COL19A1: variants seen among roughly 807,000 people sequenced by gnomAD.
The protein encoded by COL19A1 is collagen type XIX alpha 1 chain.
COL19A1 carries 159 observed loss-of-function variants against 190.2 expected under a neutral mutation model. That is an observed-to-expected ratio of 0.84 (90% CI 0.73 to 0.95). The LOEUF (loss-of-function observed/expected upper bound fraction) is 0.95. Ranked by LOEUF, COL19A1 falls within the 40% of genes least tolerant of loss-of-function variation. COL19A1 has a pLI of 0.00. For missense variants in COL19A1, 1,418 were observed against 1,431.9 expected (o/e 0.99, Z 0.16); for synonymous variants, 509 against 458.9 (o/e 1.11, Z -1.39).
intron 16 of COL19A1, among the ~76,000 whole-genome samples, chr6:70,115,361 T>C (rs1784503077): frequency 6.6e-6 from 1 of 152,234 alleles, no homozygotes; most frequent in Admixed American, 6.5e-5. Context: ...CCCACTTCAG[T>C]TGGTTATTAT....
Position 69,879,531 on chromosome 6 carries a change from TGCAG to T in COL19A1, c.-32-4_-32-1del. ...TTTATTCAAATTTTTTTTTTTCTGT[TGCAG>T]ATCCGTGGCCGTTCACATGGTTTCA... is the stretch of plus-strand genomic sequence containing the variant. On this transcript the variant is annotated splice_acceptor_variant and splice_polypyrimidine_tract_variant and intron_variant, in intron 1 of 50. Coordinates refer to ENST00000620364, the MANE Select transcript of COL19A1 (RefSeq NM_001858.6). LOFTEE classifies it low-confidence loss of function (5UTR_SPLICE). The T allele has an allele frequency of 6.3e-7, 1 of 1,581,976 alleles. No individual in the cohort carries two copies. Among genetic ancestry groups the T allele is most frequent in the Admixed American group, 1.7e-5 (1 of 58,928 alleles).
chr6:69,971,421 A>T (rs973606701), intron 11 of COL19A1, among the ~76,000 whole-genome samples: 9 of 152,296 alleles, frequency 5.9e-5, no homozygotes, highest in East Asian at 3.9e-4. Flanking sequence ...GTGACCGATA[A>T]AGAGGCCATG....
chr6:70,093,279 C>T (rs745765533), intron 15 of COL19A1, among the ~76,000 whole-genome samples: 1 of 152,122 alleles, frequency 6.6e-6, no homozygotes, highest in Non-Finnish European at 1.5e-5. Flanking sequence ...AATGAGCTTT[C>T]AGCTTCCACC....
chr6:70,168,746 G>T, intron 40 of COL19A1, 65 bp downstream of exon 40: 1 of 1,572,928 alleles, frequency 6.4e-7, no homozygotes. Flanking sequence ...TGAAAGAAAA[G>T]CATCGGGCAA....
rs138374562 is a variant in COL19A1 at position 70,067,957 on chromosome 6, A to C, written c.1171-466A>C. 3.0e-4 allele frequency among the ~76,000 whole-genome samples: 45 copies of C among 152,202 alleles called. No individual in the cohort carries two copies. In the East Asian group the frequency reaches 7.3e-3, roughly 25 times the overall value. On this transcript the variant is annotated intron_variant, in intron 14 of 50. Transcript: ENST00000620364. ...GCAGTAAATAATATTTTTAATATTAAAAGTTCAATGTTATGAGTAGGCATG... is the reference window on the plus strand; with the variant it reads ...GCAGTAAATAATATTTTTAATATTACAAGTTCAATGTTATGAGTAGGCATG...
At chr6:69,943,104 A>G (rs1428442548) in intron 9 of COL19A1, among the ~76,000 whole-genome samples, 1 of 152,048 alleles carries the variant, frequency 6.6e-6, no homozygotes, top group Non-Finnish European at 1.5e-5. Context: ...CTAGGGTAAG[A>G]TGATATCTCA....
At chr6:70,156,019 A>G (rs958600106) in intron 31 of COL19A1, 108 bp from the exon 32 acceptor site, 4 of 808,938 alleles carry the variant, frequency 4.9e-6, no homozygotes, top group Non-Finnish European at 7.8e-6. Flanking sequence ...TGACCTATCT[A>G]TATCACTCAT....
chr6:69,999,367 CA>C (rs1235230616), intron 11 of COL19A1, among the ~76,000 whole-genome samples: 2 of 151,900 alleles, frequency 1.3e-5, no homozygotes, highest in East Asian at 1.9e-4. Flanking sequence ...CCTGTCTCTA[CA>C]AAAAAATTTT....
chr6:70,021,926 T>A (rs984726402), intron 11 of COL19A1, among the ~76,000 whole-genome samples: 2 of 152,234 alleles, frequency 1.3e-5, no homozygotes, highest in African/African-American at 4.8e-5. Context: ...AACTTAAACC[T>A]ATTTTTACTG....
intron 14 of COL19A1, among the ~76,000 whole-genome samples, chr6:70,048,754 A>G (rs1008876647): frequency 6.6e-6 from 1 of 152,016 alleles, no homozygotes; most frequent in South Asian, 2.1e-4. Context: ...TTAGAGACCA[A>G]TCGTTTTTTA....
chr6:69,910,566 C>T (rs539076304), intron 4 of COL19A1, among the ~76,000 whole-genome samples: 1 of 152,192 alleles, frequency 6.6e-6, no homozygotes, highest in East Asian at 1.9e-4. Context: ...ACTTAGGAGT[C>T]ATAATAAAGC....
At chr6:70,180,927 T>C (rs1011002889) in intron 44 of COL19A1, among the ~76,000 whole-genome samples, 25 of 152,340 alleles carry the variant, frequency 1.6e-4, no homozygotes, top group African/African-American at 6.0e-4. Flanking sequence ...TCCTCCTTTG[T>C]ATACAGGCCT....
intron 14 of COL19A1, among the ~76,000 whole-genome samples, chr6:70,062,136 G>C (rs1163128378): frequency 2.0e-5 from 3 of 151,820 alleles, no homozygotes; most frequent in African/African-American, 7.3e-5. Context: ...AAAGAAATGA[G>C]AGTGATAAAT....
At chr6:69,975,192 C>G (rs1187584713) in intron 11 of COL19A1, among the ~76,000 whole-genome samples, 1 of 152,166 alleles carries the variant, frequency 6.6e-6, no homozygotes, top group Non-Finnish European at 1.5e-5. Flanking sequence ...CAGTTTTGAG[C>G]AAGTGTTTCA....
intron 11 of COL19A1, among the ~76,000 whole-genome samples, chr6:69,989,925 T>C (rs1193284010): frequency 6.6e-6 from 1 of 152,122 alleles, no homozygotes; most frequent in African/African-American, 2.4e-5. Context: ...TAAGATCTTA[T>C]ATAAATGCTA....
intron 23 of COL19A1, among the ~76,000 whole-genome samples, 160 bp downstream of exon 23, chr6:70,142,980 T>C (rs538477735): frequency 1.1e-4 from 17 of 152,254 alleles, no homozygotes; most frequent in Middle Eastern, 6.8e-3. Flanking sequence ...TCAGGAGCTA[T>C]TGGGAAGACT....
At chr6:69,957,188 A>C in intron 9 of COL19A1, among the ~76,000 whole-genome samples, 1 of 152,112 alleles carries the variant, frequency 6.6e-6, no homozygotes, top group East Asian at 1.9e-4. Flanking sequence ...AGAATCAAGA[A>C]AACTAATAAT....
chr6:70,148,122 G>C (rs1230898466), intron 27 of COL19A1, among the ~76,000 whole-genome samples: 3 of 151,990 alleles, frequency 2.0e-5, no homozygotes, highest in Admixed American at 6.6e-5. Context: ...CATATTTTGG[G>C]ATTTTATAGA....
chr6:70,157,334 G>A (rs373692827), intron 34 of COL19A1, among the ~76,000 whole-genome samples: 1 of 152,110 alleles, frequency 6.6e-6, no homozygotes, highest in Non-Finnish European at 1.5e-5. Context: ...CTGACTGTAA[G>A]CCATGGTGAT....
Sources: allele counts gnomAD v4.1 joint callset (sites outside exome capture counted in the v4.1 genomes callset), GRCh38; gene constraint gnomAD v4.1.1; transcripts MANE v1.5; gene names NCBI Gene and HGNC (gene_info 2026-07-23, HGNC 2026-07-21).